NRG3: variants seen among roughly 807,000 people sequenced by gnomAD.
The protein encoded by NRG3 is pro-neuregulin-3, membrane-bound isoform.
Under a neutral mutation model 66.9 loss-of-function variants are expected in NRG3, and 31 were observed. That is an observed-to-expected ratio of 0.46 (90% CI 0.35 to 0.63). The LOEUF (loss-of-function observed/expected upper bound fraction) is 0.63, where lower values mean the gene tolerates loss of function less well. Among genes scored for constraint, NRG3 ranks in the 20% least tolerant of loss-of-function variants. The probability of loss-of-function intolerance (pLI) is 0.00; values close to 1 mark genes in which losing one functional copy is unlikely to be tolerated. For synonymous variants in NRG3, 393 were observed against 359.4 expected (o/e 1.09, Z -1.06); for missense variants, 910 against 878.9 (o/e 1.04, Z -0.45).
At chr10:82,548,836 G>T (rs1183111443) in intron 2 of NRG3, among the ~76,000 whole-genome samples, 1 of 152,172 alleles carries the variant, frequency 6.6e-6, no homozygotes, top group Non-Finnish European at 1.5e-5. Context: ...AGGTATCTAA[G>T]AAGCAATGGT....
rs188357298 is a variant in NRG3, at chr10:82,379,867, G to A, written c.953+20999G>A. ...ATGTTTGTAGGGCATAAAAAAAAAG[G>A]TTTCCTGAAGAAAGGTAGGCAGATT... is the stretch of plus-strand genomic sequence containing the variant. On this transcript the variant is annotated intron_variant, in intron 2 of 8. Transcript: ENST00000372141. Among the ~76,000 whole-genome samples, 478 of 119,990 alleles carry A rather than the reference G, an allele frequency of 4.0e-3. 2 individuals carry two copies. Among genetic ancestry groups the A allele is most frequent in the Middle Eastern group, 0.022 (5 of 226 alleles). The allele number at this position is 119,990 out of a possible 152,430, so 78.7% of individuals were successfully genotyped here.
chr10:82,532,586 G>A (rs1425450952), intron 2 of NRG3, among the ~76,000 whole-genome samples: 1 of 146,328 alleles, frequency 6.8e-6, no homozygotes, highest in Non-Finnish European at 1.5e-5. Flanking sequence ...TATGTATATA[G>A]TACTATATAT....
intron 1 of NRG3, among the ~76,000 whole-genome samples, chr10:81,985,198 T>C (rs1323901556): frequency 1.3e-5 from 2 of 152,250 alleles, no homozygotes; most frequent in Admixed American, 1.3e-4. Context: ...AAAGTTGTTA[T>C]GGAGACTGAG....
chr10:82,769,781 C>T (rs1402273320), intron 3 of NRG3, among the ~76,000 whole-genome samples: 1 of 152,034 alleles, frequency 6.6e-6, no homozygotes, highest in Non-Finnish European at 1.5e-5. Context: ...CTTTTTTTCT[C>T]TATCTAAATT....
chr10:82,383,427 T>TA (rs5786549), intron 2 of NRG3, among the ~76,000 whole-genome samples: 62,089 of 151,428 alleles, frequency 0.41, 15,773 homozygotes, highest in African/African-American at 0.71. Flanking sequence ...TTTCCTTTTT[T>TA]AAAAAAAACA....
At chr10:82,952,615 T>A (rs903731714) in intron 5 of NRG3, among the ~76,000 whole-genome samples, 1 of 151,618 alleles carries the variant, frequency 6.6e-6, no homozygotes, top group Non-Finnish European at 1.5e-5. Flanking sequence ...GCCCCTTGGT[T>A]TCTCATGTCT....
chr10:82,106,050 T>C lies in NRG3; in HGVS notation c.823+229887T>C, dbSNP rs146458463. Among the ~76,000 whole-genome samples the C allele has an allele frequency of 3.1e-3, 468 of 152,328 alleles. 3 individuals carry two copies. Among genetic ancestry groups the C allele is most frequent in the African/African-American group, 0.011 (444 of 41,588 alleles). ...GCATCTGATTTAGTGAGCACATCTA[T>C]TTCCAATACTTTCCACTAACCTTGT... On this transcript the variant is annotated intron_variant, in intron 1 of 8. Transcript: ENST00000372141.
intron 1 of NRG3, among the ~76,000 whole-genome samples, chr10:82,114,627 T>C (rs1896506): frequency 0.79 from 119,612 of 152,084 alleles, 47,200 homozygotes; most frequent in East Asian, 0.9. Flanking sequence ...ATTGCCATTG[T>C]TCGGGAAATT....
chr10:82,235,616 A>G (rs1375124095), intron 1 of NRG3, among the ~76,000 whole-genome samples: 1 of 152,186 alleles, frequency 6.6e-6, no homozygotes, highest in Non-Finnish European at 1.5e-5. Flanking sequence ...TATCTCTCAT[A>G]GAGCTCTATC....
chr10:82,586,635 T>C (rs1016671947), intron 2 of NRG3, among the ~76,000 whole-genome samples: 9 of 152,208 alleles, frequency 5.9e-5, no homozygotes, highest in Admixed American at 4.6e-4. Context: ...TACTTGGTGT[T>C]TTAAGTATTT....
At chr10:82,211,633 G>C (rs1437042629) in intron 1 of NRG3, among the ~76,000 whole-genome samples, 1 of 152,162 alleles carries the variant, frequency 6.6e-6, no homozygotes, top group Non-Finnish European at 1.5e-5. Flanking sequence ...GGATTTTCCT[G>C]TAGTGGTTTG....
intron 1 of NRG3, among the ~76,000 whole-genome samples, chr10:82,008,013 CAG>C (rs2133749539): frequency 6.6e-6 from 1 of 152,254 alleles, no homozygotes; most frequent in African/African-American, 2.4e-5. Context: ...TTTTATTCAA[CAG>C]ATACTTACTG....
At chr10:82,509,849 T>C (rs1461324336) in intron 2 of NRG3, among the ~76,000 whole-genome samples, 1 of 152,182 alleles carries the variant, frequency 6.6e-6, no homozygotes, top group Non-Finnish European at 1.5e-5. Context: ...TCTTAGCTCA[T>C]ATGCTGACAC....
At chr10:82,548,901 A>G (rs1230167514) in intron 2 of NRG3, among the ~76,000 whole-genome samples, 1 of 152,236 alleles carries the variant, frequency 6.6e-6, no homozygotes, top group Admixed American at 6.5e-5. Context: ...ATCAGCGGAC[A>G]ATCATGCTTT....
intron 4 of NRG3, among the ~76,000 whole-genome samples, chr10:82,947,960 T>C (rs548091212): frequency 5.9e-4 from 90 of 152,192 alleles, no homozygotes; most frequent in African/African-American, 1.7e-3. Flanking sequence ...TTCTAGTTTG[T>C]AGCTTTTATA....
chr10:82,958,569 A>G (rs1850302049), intron 5 of NRG3, among the ~76,000 whole-genome samples: 1 of 152,242 alleles, frequency 6.6e-6, no homozygotes. Context: ...CTCTACAAAT[A>G]TGTCATATGT....
At chr10:82,539,294 T>G (rs2132728524) in intron 2 of NRG3, among the ~76,000 whole-genome samples, 1 of 152,336 alleles carries the variant, frequency 6.6e-6, no homozygotes, top group South Asian at 2.1e-4. Flanking sequence ...CTCTTCTGTC[T>G]TAAGGATTCT....
intron 1 of NRG3, among the ~76,000 whole-genome samples, chr10:82,321,383 A>G (rs2081572129): frequency 6.6e-6 from 1 of 152,168 alleles, no homozygotes; most frequent in Admixed American, 6.5e-5. Flanking sequence ...ACAATGTACC[A>G]AAACCTGCGT....
intron 2 of NRG3, among the ~76,000 whole-genome samples, chr10:82,736,214 C>T (rs1203117596): frequency 6.6e-6 from 1 of 152,204 alleles, no homozygotes; most frequent in African/African-American, 2.4e-5. Context: ...GACACACTAT[C>T]AGAAGTTCTG....
Sources: gnomAD v4.1 joint callset for allele counts (sites outside exome capture counted in the v4.1 genomes callset) on GRCh38, gnomAD v4.1.1 for gene constraint, MANE v1.5 for transcripts, NCBI Gene and HGNC (gene_info 2026-07-23, HGNC 2026-07-21) for gene names.